The following MTMR8 variants were observed in gnomAD, a reference collection of about 807,000 sequenced individuals.
MTMR8 encodes the protein myotubularin related protein 8.
Under a neutral mutation model 39.3 loss-of-function variants are expected in MTMR8, and 65 were observed. The observed-to-expected ratio is 1.65, with a 90% CI of 1.35 to 2.03. MTMR8 has a LOEUF of 2.03. MTMR8 is among the 30% of genes most tolerant of loss of function. The probability of loss-of-function intolerance (pLI) is 0.00; values close to 1 mark genes in which losing one functional copy is unlikely to be tolerated. For synonymous variants in MTMR8, 245 were observed against 185.2 expected, an observed-to-expected ratio of 1.32 and a Z score of -2.62; for missense variants, 777 against 538.9, an observed-to-expected ratio of 1.44 and a Z score of -4.37.
intron 1 of MTMR8, among the ~76,000 whole-genome samples, chrX:64,386,776 G>C (rs1924570669): frequency 9.0e-6 from 1 of 111,478 alleles, no homozygotes; most frequent in South Asian, 3.8e-4. Context: ...AGGTACAGTG[G>C]CTTTCACCTG....
Position 64,275,376 on chromosome X carries a change from G to T in MTMR8, c.1482-4303C>A, listed in dbSNP as rs190615269. On this transcript the variant is annotated intron_variant, in intron 12 of 13. Transcript: ENST00000374852. Reference sequence around the variant, plus strand: ...AATAAAGGTTAGAGAAGAAATAAATGAAATAGTGAATATAAAATCAAAGAA... The same window carrying T: ...AATAAAGGTTAGAGAAGAAATAAATTAAATAGTGAATATAAAATCAAAGAA... Among the ~76,000 whole-genome samples, 55 of 110,401 alleles carry T rather than the reference G, an allele frequency of 5.0e-4. No individual in the cohort carries two copies. In the Admixed American group the frequency reaches 5.2e-3, roughly 11 times the overall value.
chrX:64,365,048 G>A (rs920194632), intron 1 of MTMR8, among the ~76,000 whole-genome samples: 1 of 111,574 alleles, frequency 9.0e-6, no homozygotes, highest in Non-Finnish European at 1.9e-5. Context: ...AAAGTGAGAA[G>A]AGAAGTTTAG....
intron 12 of MTMR8, among the ~76,000 whole-genome samples, chrX:64,312,145 G>A (rs1922326467): frequency 9.0e-6 from 1 of 111,627 alleles, no homozygotes; most frequent in Admixed American, 9.5e-5. Flanking sequence ...AGCATGGAAT[G>A]TTATTCCATT....
At chrX:64,369,040 C>T (rs1433780480) in intron 1 of MTMR8, among the ~76,000 whole-genome samples, 1 of 112,120 alleles carries the variant, frequency 8.9e-6, no homozygotes, top group Non-Finnish European at 1.9e-5. Context: ...CAAAGAAATG[C>T]AAATCGTTTT....
Position 64,342,035 on chromosome X carries a change from G to A in MTMR8, c.975+1576C>T, listed in dbSNP as rs1923232015. Among the ~76,000 whole-genome samples the A allele has an allele frequency of 4.5e-5, 5 of 112,264 alleles. No individual in the cohort carries two copies. The South Asian group carries it at 1.9e-3, about 42-fold the overall frequency. ...GCCAAGCTGGGGCGACATTGTGAAA[G>A]ACTCTGAATGTCAAGCTTATGGGGT... On this transcript the variant is annotated intron_variant, in intron 8 of 13. Transcript: ENST00000374852.
intron 1 of MTMR8, among the ~76,000 whole-genome samples, chrX:64,367,956 T>A (rs1924022609): frequency 8.9e-6 from 1 of 111,824 alleles, no homozygotes; most frequent in Non-Finnish European, 1.9e-5. Flanking sequence ...AGCATTCCTA[T>A]ACATCAATAA....
intron 3 of MTMR8, 135 bp downstream of exon 3, chrX:64,356,041 C>T: frequency 1.7e-6 from 1 of 594,559 alleles, no homozygotes; most frequent in Non-Finnish European, 2.6e-6. Flanking sequence ...ATATAACTTG[C>T]CCAAATATAA....
chrX:64,290,987 T>A (rs1921374616), intron 12 of MTMR8, among the ~76,000 whole-genome samples: 1 of 111,973 alleles, frequency 8.9e-6, no homozygotes, highest in African/African-American at 3.2e-5. Flanking sequence ...AGAGTACAAT[T>A]TGTACAATTG....
rs771062473 is a variant in MTMR8, at chrX:64,312,589, C to T, written c.1481+16183G>A. Among the ~76,000 whole-genome samples, 15 of 112,330 alleles carry T rather than the reference C, an allele frequency of 1.3e-4. No individual in the cohort carries two copies. In the East Asian group the frequency reaches 1.7e-3, roughly 13 times the overall value. ...TATATTTAGAAAACCCCATTGTCTC[C>T]GCCCAAAATCATGAATATTCTTAAT... is the stretch of plus-strand genomic sequence containing the variant. On this transcript the variant is annotated intron_variant, in intron 12 of 13. Coordinates refer to ENST00000374852, the MANE Select transcript of MTMR8 (RefSeq NM_017677.4).
chrX:64,269,222 C>T (rs185458070), intron 13 of MTMR8, among the ~76,000 whole-genome samples, 179 bp from the exon 14 acceptor site: 18 of 111,124 alleles, frequency 1.6e-4, no homozygotes, highest in Non-Finnish European at 2.5e-4. Context: ...CTTTAGAAGC[C>T]CTACCATTGA....
chrX:64,372,570 C>A, intron 1 of MTMR8, among the ~76,000 whole-genome samples: 1 of 111,857 alleles, frequency 8.9e-6, no homozygotes, highest in South Asian at 3.7e-4. Context: ...TAAACAGAAC[C>A]ATTCAGTATG....
At chrX:64,324,361 C>T (rs1410989746) in intron 12 of MTMR8, among the ~76,000 whole-genome samples, 1 of 110,667 alleles carries the variant, frequency 9.0e-6, no homozygotes, top group African/African-American at 3.3e-5. Context: ...GATCATATCT[C>T]AAGAAAGAAA....
intron 1 of MTMR8, among the ~76,000 whole-genome samples, chrX:64,362,538 A>G (rs1159297818): frequency 9.5e-6 from 1 of 105,546 alleles, no homozygotes; most frequent in East Asian, 2.9e-4. Flanking sequence ...ACCAGAGCTC[A>G]AAATCAGATT....
chrX:64,367,738 T>C (rs1464076567), intron 1 of MTMR8, among the ~76,000 whole-genome samples: 1 of 111,727 alleles, frequency 9.0e-6, no homozygotes, highest in Non-Finnish European at 1.9e-5. Context: ...CTATTCAACA[T>C]AGTATTGGAA....
chrX:64,346,054 T>C (rs763534269), intron 6 of MTMR8, among the ~76,000 whole-genome samples: 47 of 111,702 alleles, frequency 4.2e-4, no homozygotes, highest in Admixed American at 2.0e-3. Flanking sequence ...AATCAGAAAA[T>C]CTCTAGGTCA....
chrX:64,344,166 T>C (rs774290380), intron 7 of MTMR8, among the ~76,000 whole-genome samples: 5 of 111,984 alleles, frequency 4.5e-5, no homozygotes, highest in Non-Finnish European at 7.5e-5. Context: ...TTAATTTTTA[T>C]GCACTTTGCA....
In MTMR8 at chrX:64,358,878, C is replaced by CACAT. The variant is rs1307525485; in HGVS notation, c.147+526_147+527insATGT. ...ACACACACACACACACACACACACA[C>CACAT]ATATATATATACCCAGGTAAAATCC... On this transcript the variant is annotated intron_variant, in intron 2 of 13. Coordinates refer to ENST00000374852, the MANE Select transcript of MTMR8 (RefSeq NM_017677.4). 9.3e-5 allele frequency among the ~76,000 whole-genome samples: 10 copies of CACAT among 107,068 alleles called. No individual in the cohort carries two copies. The South Asian group carries it at 1.2e-3, about 13-fold the overall frequency. 93.0% of individuals were successfully genotyped at this position (107,068 alleles called of 115,157 possible). A position where few individuals can be genotyped will look rare whatever the true frequency, so the allele number is the denominator to read the frequency against.
chrX:64,345,847 G>A (rs1923336640), intron 6 of MTMR8, among the ~76,000 whole-genome samples: 1 of 112,038 alleles, frequency 8.9e-6, no homozygotes, highest in South Asian at 3.7e-4. Context: ...TTGAACTCTT[G>A]GACTCATGTA....
At position 64,328,791 on chromosome X, in the gene MTMR8, T is replaced by C. The variant is rs1175098717; in HGVS notation, c.1462A>G (p.Thr488Ala). Residue 488 changes from threonine to alanine, a missense_variant, in exon 12 of 14, where the codon ACT (threonine) becomes GCT (alanine). Thr to Ala is a moderately conservative substitution (Grantham distance 58, BLOSUM62 0). Coordinates refer to ENST00000374852, the MANE Select transcript of MTMR8 (RefSeq NM_017677.4). ...ACTTACTGAATGTTGTAGGGCACAG[T>C]ACTAGGATTGAGTACCCCATACATA... Reference protein sequence around the residue: ...FTMYGVLNPSTVPYNIQFWCG... With the variant: ...FTMYGVLNPSAVPYNIQFWCG... 1 of 1,194,364 alleles carries C rather than the reference T, an allele frequency of 8.4e-7. No homozygotes were observed. Among genetic ancestry groups the C allele is most frequent in the Admixed American group, 2.4e-5 (1 of 41,378 alleles).
Sources: gnomAD v4.1 joint callset for allele counts (sites outside exome capture counted in the v4.1 genomes callset) on GRCh38, gnomAD v4.1.1 for gene constraint, MANE v1.5 for transcripts, NCBI Gene and HGNC (gene_info 2026-07-23, HGNC 2026-07-21) for gene names.